Variants in IFIH1 observed in about 807,000 individuals in gnomAD.
The protein encoded by IFIH1 is interferon induced with helicase C domain 1.
IFIH1 carries 125 observed loss-of-function variants against 107.4 expected under a neutral mutation model. That is an observed-to-expected ratio of 1.16 (90% CI 1.01 to 1.35). The LOEUF is 1.35. Among genes scored for constraint, IFIH1 ranks in the 40% most tolerant of loss-of-function variants. IFIH1 has a pLI of 0.00. For missense variants in IFIH1, 1,333 were observed against 1,213.7 expected (o/e 1.10, Z -1.46); for synonymous variants, 458 against 413.2 (o/e 1.11, Z -1.31).
chr2:162,282,148 G>T (rs577478796), intron 6 of IFIH1, among the ~76,000 whole-genome samples: 3 of 152,042 alleles, frequency 2.0e-5, no homozygotes, highest in African/African-American at 7.2e-5. Flanking sequence ...AAAGTCCAGC[G>T]AGTGCTTGCC....
At chr2:162,284,273 A>T (rs1682860092) in intron 5 of IFIH1, among the ~76,000 whole-genome samples, 1 of 151,944 alleles carries the variant, frequency 6.6e-6, no homozygotes, top group Non-Finnish European at 1.5e-5. Flanking sequence ...AAAAGAATGG[A>T]AATTAAGTTT....
At chr2:162,293,241 A>C (rs1207091138) in intron 4 of IFIH1, among the ~76,000 whole-genome samples, 1 of 151,966 alleles carries the variant, frequency 6.6e-6, no homozygotes, top group Non-Finnish European at 1.5e-5. Context: ...AAATGTACCA[A>C]ATTGAATACA....
intron 1 of IFIH1, among the ~76,000 whole-genome samples, chr2:162,315,119 A>T (rs1683465267): frequency 6.6e-6 from 1 of 152,242 alleles, no homozygotes; most frequent in Non-Finnish European, 1.5e-5. Context: ...TGAAAATACA[A>T]GACCATTTTA....
rs1558876275 is a variant in IFIH1, at chr2:162,310,838, A to G, written c.549T>C (p.Asn183=). Reference sequence around the variant, plus strand: ...CATTGTTTCCTGTTTGACGAAGAACATTCAGAAATGCAGAGAACCAGTTTT... The same window carrying G: ...CATTGTTTCCTGTTTGACGAAGAACGTTCAGAAATGCAGAGAACCAGTTTT... ...QKENWFSAFL[N]VLRQTGNNEL... The change falls in exon 2 of 16, where the codon AAT becomes AAC. Residue 183 remains asparagine (N), a synonymous_variant. Transcript: ENST00000649979. 1 of 1,613,646 alleles carries G rather than the reference A, an allele frequency of 6.2e-7. No individual in the cohort carries two copies.
chr2:162,311,996 C>T (rs1683391886), intron 1 of IFIH1, among the ~76,000 whole-genome samples: 1 of 152,180 alleles, frequency 6.6e-6, no homozygotes, highest in Non-Finnish European at 1.5e-5. Flanking sequence ...TAAAACATCT[C>T]ATGTGATTCT....
In IFIH1 at chr2:162,278,246, G is replaced by T. The variant is rs1334484311; in HGVS notation, c.1724C>A (p.Thr575Asn). The T allele has an allele frequency of 6.2e-7, 1 of 1,603,556 alleles. No individual in the cohort carries two copies. The highest frequency in any genetic ancestry group is 1.3e-5 in the African/African-American group (1 of 74,270). Reference protein sequence around the residue: ...CQMSPMSDFGTQPYEQWAIQM... With the variant: ...CQMSPMSDFGNQPYEQWAIQM... Reference sequence around the variant, plus strand: ...AATGGCCCATTGTTCATAGGGTTGAGTTCCAAAATCTGACATTGGACTCAT... The same window carrying T: ...AATGGCCCATTGTTCATAGGGTTGATTTCCAAAATCTGACATTGGACTCAT... The change falls in exon 9 of 16, where the codon ACT (threonine) becomes AAT (asparagine). Residue 575 changes from threonine (T) to asparagine (N), a missense_variant. Transcript: ENST00000649979.
chr2:162,304,982 T>C (rs374470563), intron 3 of IFIH1, among the ~76,000 whole-genome samples: 18 of 152,314 alleles, frequency 1.2e-4, no homozygotes, highest in African/African-American at 4.1e-4. Flanking sequence ...GTGACATAAG[T>C]ACAAAGAGAG....
At chr2:162,300,484 T>A (rs1389817242) in intron 3 of IFIH1, among the ~76,000 whole-genome samples, 2 of 152,218 alleles carry the variant, frequency 1.3e-5, no homozygotes, top group Non-Finnish European at 2.9e-5. Flanking sequence ...AGGACTATTA[T>A]GCAACTGTAA....
intron 1 of IFIH1, among the ~76,000 whole-genome samples, chr2:162,313,452 G>A (rs913641819): frequency 6.6e-5 from 10 of 152,120 alleles, no homozygotes; most frequent in African/African-American, 1.9e-4. Context: ...TATGAAATAC[G>A]AAATAAAATT....
intron 1 of IFIH1, among the ~76,000 whole-genome samples, chr2:162,315,013 G>T (rs1683463798): frequency 6.6e-6 from 1 of 152,186 alleles, no homozygotes; most frequent in African/African-American, 2.4e-5. Context: ...CAGAAGGCCT[G>T]CTGTAATTAC....
rs75787686 is a variant in IFIH1 at position 162,310,253 on chromosome 2, T to G, written c.622+512A>C. The stretch of plus-strand genomic sequence containing the variant: ...AAATAAGATAGCAGTTTAAGTGAGA[T>G]TTACAAATAATGTAGGAGAAGGAGC... On this transcript the variant is annotated intron_variant, in intron 2 of 15. Coordinates refer to ENST00000649979, the MANE Select transcript of IFIH1 (RefSeq NM_022168.4). The G allele has an allele frequency of 8.9e-3, 1,383 of 155,598 alleles. 13 individuals are homozygous for G. The highest frequency in any genetic ancestry group is 0.013 in the Middle Eastern group (4 of 306). 9.6% of individuals were successfully genotyped at this position (155,598 alleles called of 1,614,324 possible). A position where few individuals can be genotyped will look rare whatever the true frequency, so the allele number is the denominator to read the frequency against.
intron 11 of IFIH1, among the ~76,000 whole-genome samples, chr2:162,276,084 C>CTTA: frequency 6.6e-6 from 1 of 152,238 alleles, no homozygotes; most frequent in South Asian, 2.1e-4. Flanking sequence ...GCTTACATGT[C>CTTA]ACTTATTTTT....
chr2:162,282,285 T>C (rs764683106), intron 6 of IFIH1, 81 bp downstream of exon 6: 1 of 863,842 alleles, frequency 1.2e-6, no homozygotes, highest in Non-Finnish European at 1.7e-6. Context: ...GCCACGAACA[T>C]TTAAAAAATT....
chr2:162,270,387 G>T (rs1030891915), intron 13 of IFIH1, among the ~76,000 whole-genome samples: 2 of 152,150 alleles, frequency 1.3e-5, no homozygotes, highest in Admixed American at 6.6e-5. Flanking sequence ...TTCATTAGTG[G>T]TTGTCTGAAG....
chr2:162,280,718 T>A (rs1053819391), intron 7 of IFIH1, among the ~76,000 whole-genome samples: 1 of 152,086 alleles, frequency 6.6e-6, no homozygotes, highest in Non-Finnish European at 1.5e-5. Flanking sequence ...TTGTATTGAA[T>A]TCAACTTAAA....
rs1553461143 is a variant in IFIH1 at position 162,310,807 on chromosome 2, C to G, written c.580G>C (p.Val194Leu). Residue 194 changes from valine (V) to leucine (L), a missense_variant, in exon 2 of 16, where the codon GTC (valine) becomes CTC (leucine). Physicochemically the swap from Val to Leu is conservative, Grantham distance 32. Coordinates refer to ENST00000649979, the MANE Select transcript of IFIH1 (RefSeq NM_022168.4). ...VLRQTGNNEL[V>L]QELTGSDCSE... The stretch of plus-strand genomic sequence containing the variant: ...CAATCAGAGCCTGTTAACTCTTGGA[C>G]AAGTTCATTGTTTCCTGTTTGACGA... 6.2e-7 allele frequency: 1 copy of G among 1,613,800 alleles called. No homozygotes were observed. The highest frequency in any genetic ancestry group is 8.5e-7 in the Non-Finnish European group (1 of 1,179,812).
chr2:162,281,492 A>G lies in IFIH1; in HGVS notation c.1360T>C (p.Tyr454His), dbSNP rs1318887474. The G allele has an allele frequency of 1.2e-6, 2 of 1,611,852 alleles. No individual in the cohort carries two copies. Among genetic ancestry groups the G allele is most frequent in the African/African-American group, 2.7e-5 (2 of 74,754 alleles). The change falls in exon 7 of 16, where the codon TAT (tyrosine) becomes CAT (histidine). Residue 454 changes from tyrosine (Y) to histidine (H), a missense_variant. Transcript: ENST00000649979. ...AAATAATGCCTCATGATGTTATTAT[A>G]CACTGCTTCTTTGTTGGTGTGATGA... ...ECHHTNKEAV[Y>H]NNIMRHYLMQ...
At chr2:162,313,742 C>A (rs1225771926) in intron 1 of IFIH1, among the ~76,000 whole-genome samples, 1 of 152,088 alleles carries the variant, frequency 6.6e-6, no homozygotes, top group Non-Finnish European at 1.5e-5. Context: ...TTTAAAGAAC[C>A]AGTTTCCCAC....
intron 11 of IFIH1, among the ~76,000 whole-genome samples, chr2:162,275,083 C>T (rs1423735640): frequency 6.6e-6 from 1 of 152,134 alleles, no homozygotes; most frequent in African/African-American, 2.4e-5. Context: ...ACTTTAATAA[C>T]AAAAATTCCA....
Sources: allele counts gnomAD v4.1 joint callset (sites outside exome capture counted in the v4.1 genomes callset), GRCh38; gene constraint gnomAD v4.1.1; transcripts MANE v1.5; gene names NCBI Gene and HGNC (gene_info 2026-07-23, HGNC 2026-07-21).